RAB5C: variants seen among roughly 807,000 people sequenced by gnomAD.
RAB5C encodes RAB5C, member RAS oncogene family.
A neutral mutation model predicts 25.2 loss-of-function variants in RAB5C; 4 were observed. That is an observed-to-expected ratio of 0.16 (90% confidence interval 0.08 to 0.36). The LOEUF (loss-of-function observed/expected upper bound fraction) is 0.36, where lower values mean the gene tolerates loss of function less well. RAB5C is among the 10% of genes least tolerant of loss of function. The pLI, the probability that RAB5C is intolerant of heterozygous loss-of-function variation, is 1.00. For synonymous variants in RAB5C, 100 were observed against 106.4 expected (o/e 0.94, Z 0.37); for missense variants, 199 against 283.8 (o/e 0.70, Z 2.15).
chr17:42,147,087 AG>A (rs2079641209), intron 1 of RAB5C, among the ~76,000 whole-genome samples: 1 of 151,724 alleles, frequency 6.6e-6, no homozygotes, highest in South Asian at 2.1e-4. Context: ...AAAGAAAGAA[AG>A]AAAGAAAGAA....
intron 1 of RAB5C, among the ~76,000 whole-genome samples, chr17:42,150,658 G>T (rs2079665110): frequency 6.6e-6 from 1 of 150,644 alleles, no homozygotes. Flanking sequence ...CTGAGGTCAG[G>T]AGTTTGAGAC....
chr17:42,153,705 T>C (rs1013204663), intron 1 of RAB5C, among the ~76,000 whole-genome samples: 1 of 152,190 alleles, frequency 6.6e-6, no homozygotes, highest in Non-Finnish European at 1.5e-5. Flanking sequence ...GTCTCCGGCC[T>C]GTACTTTGGC....
At chr17:42,131,617 T>C in intron 1 of RAB5C, 2 of 1,534,374 alleles carry the variant, frequency 1.3e-6, no homozygotes, top group Non-Finnish European at 1.7e-6. Context: ...CTCAGTTCCA[T>C]TCTCTACTGG....
intron 1 of RAB5C, among the ~76,000 whole-genome samples, chr17:42,146,896 C>T (rs1017100210): frequency 6.6e-6 from 1 of 151,738 alleles, no homozygotes; most frequent in African/African-American, 2.4e-5. Flanking sequence ...GTCCCAGCTA[C>T]TCGAGAGGCT....
rs557949134 is a variant in RAB5C, at chr17:42,128,467, A to G, written c.319-84T>C. 4 of 1,511,216 alleles carry G rather than the reference A, an allele frequency of 2.6e-6. No individual in the cohort carries two copies. In the Admixed American group the frequency reaches 6.4e-5, roughly 24 times the overall value. 93.6% of individuals were successfully genotyped at this position (1,511,216 alleles called of 1,614,324 possible). On this transcript the variant is annotated intron_variant, in intron 3 of 5. Transcript: ENST00000346213. ...CCATTAGAGACTCTCAAGCTGGCACAGCCAAATTATCTAAGACATTGCCAC... is the reference window on the plus strand; with the variant it reads ...CCATTAGAGACTCTCAAGCTGGCACGGCCAAATTATCTAAGACATTGCCAC...
intron 1 of RAB5C, among the ~76,000 whole-genome samples, chr17:42,146,753 G>GA (rs766655081): frequency 6.4e-4 from 85 of 132,330 alleles, no homozygotes; most frequent in Middle Eastern, 3.9e-3. Context: ...CATTTCAAAA[G>GA]AAAAAAAAAA....
intron 3 of RAB5C, 125 bp from the exon 4 acceptor site, chr17:42,128,508 C>A: frequency 1.4e-6 from 2 of 1,448,816 alleles, no homozygotes; most frequent in Non-Finnish European, 1.8e-6. Context: ...GATTCTGATG[C>A]AATGTCCCCA....
intron 1 of RAB5C, chr17:42,137,960 T>A (rs879818726): frequency 1.3e-5 from 2 of 151,994 alleles, no homozygotes; most frequent in Non-Finnish European, 2.9e-5. Flanking sequence ...TACCCAAATG[T>A]TAAACACAAA....
intron 1 of RAB5C, among the ~76,000 whole-genome samples, chr17:42,142,355 A>C (rs1194100845): frequency 6.6e-6 from 1 of 152,142 alleles, no homozygotes; most frequent in African/African-American, 2.4e-5. Context: ...CTTAAAGCCC[A>C]AATGCCCTTC....
At chr17:42,151,856 G>GA (rs1331617573) in intron 1 of RAB5C, among the ~76,000 whole-genome samples, 6 of 152,018 alleles carry the variant, frequency 3.9e-5, no homozygotes, top group African/African-American at 1.4e-4. Context: ...AGACGCTGGG[G>GA]AAGACAAAAA....
At chr17:42,131,282 C>T (rs1044410371) in intron 1 of RAB5C, among the ~76,000 whole-genome samples, 3 of 152,200 alleles carry the variant, frequency 2.0e-5, no homozygotes, top group African/African-American at 7.2e-5. Flanking sequence ...CATCCTGATC[C>T]TTCTTCCCTA....
intron 4 of RAB5C, among the ~76,000 whole-genome samples, 178 bp from the exon 5 acceptor site, chr17:42,127,026 A>G (rs568303223): frequency 4.7e-4 from 72 of 152,330 alleles, no homozygotes; most frequent in Non-Finnish European, 9.0e-4. Flanking sequence ...GCTCATGTAT[A>G]TCACCTCTCA....
intron 1 of RAB5C, among the ~76,000 whole-genome samples, chr17:42,149,219 C>G (rs948066538): frequency 6.6e-6 from 1 of 152,190 alleles, no homozygotes; most frequent in Non-Finnish European, 1.5e-5. Context: ...GTACCCTTCA[C>G]TCAAGTCAGG....
intron 1 of RAB5C, among the ~76,000 whole-genome samples, chr17:42,140,988 C>T (rs1397301591): frequency 2.0e-5 from 3 of 151,790 alleles, no homozygotes; most frequent in African/African-American, 7.3e-5. Flanking sequence ...GCCACCATGC[C>T]CAGCTAATTT....
chr17:42,130,248 T>A, intron 2 of RAB5C, 89 bp downstream of exon 2: 5 of 1,514,808 alleles, frequency 3.3e-6, no homozygotes, highest in Non-Finnish European at 2.7e-6. Flanking sequence ...TAGTCCCTAA[T>A]GCAGGCAGGC....
At chr17:42,139,666 T>C (rs1254106984) in intron 1 of RAB5C, among the ~76,000 whole-genome samples, 1 of 152,208 alleles carries the variant, frequency 6.6e-6, no homozygotes, top group Non-Finnish European at 1.5e-5. Context: ...TTCACCATGT[T>C]AGTCAGGATG....
At chr17:42,140,281 TC>T (rs921241553) in intron 1 of RAB5C, among the ~76,000 whole-genome samples, 5 of 151,824 alleles carry the variant, frequency 3.3e-5, no homozygotes, top group Admixed American at 1.3e-4. Context: ...TGCCTTCAGC[TC>T]CTAAACAGAG....
chr17:42,137,377 A>G (rs992259558), intron 1 of RAB5C, among the ~76,000 whole-genome samples: 45 of 152,248 alleles, frequency 3.0e-4, no homozygotes, highest in African/African-American at 1.1e-3. Flanking sequence ...AGGTAAATAC[A>G]TGAGTGTATA....
At chr17:42,151,202 C>CAGGGTGGGCGGATCACG (rs1398442607) in intron 1 of RAB5C, among the ~76,000 whole-genome samples, 1 of 152,104 alleles carries the variant, frequency 6.6e-6, no homozygotes, top group African/African-American at 2.4e-5. Context: ...TTTGGGAGGC[C>CAGGGTGGGCGGATCACG]AGGGTGGGCG....
Sources: allele counts gnomAD v4.1 joint callset (sites outside exome capture counted in the v4.1 genomes callset), GRCh38; gene constraint gnomAD v4.1.1; transcripts MANE v1.5; gene names NCBI Gene and HGNC (gene_info 2026-07-23, HGNC 2026-07-21).